PAK3: variants seen among roughly 807,000 people sequenced by gnomAD.
PAK3 encodes the protein serine/threonine-protein kinase PAK 3.
Under a neutral mutation model 41.0 loss-of-function variants are expected in PAK3, and 4 were observed. That is an observed-to-expected ratio of 0.10 (90% CI 0.05 to 0.22). PAK3 has a LOEUF of 0.22. Among genes scored for constraint, PAK3 ranks in the 10% least tolerant of loss-of-function variants. The pLI is 1.00. For synonymous variants in PAK3, 146 were observed against 139.6 expected, an observed-to-expected ratio of 1.05 and a Z score of -0.32; for missense variants, 205 against 409.9, an observed-to-expected ratio of 0.50 and a Z score of 4.32.
At chrX:111,090,459 G>A (rs7887472) in intron 1 of PAK3, among the ~76,000 whole-genome samples, 3,738 of 111,662 alleles carry the variant, frequency 0.033, 76 homozygotes, top group African/African-American at 0.063. Context: ...AATTGTCTGA[G>A]AGGATCTCCA....
At chrX:111,086,606 C>T (rs775964882) in intron 1 of PAK3, among the ~76,000 whole-genome samples, 4 of 111,241 alleles carry the variant, frequency 3.6e-5, no homozygotes, top group African/African-American at 9.8e-5. Flanking sequence ...TTTACAAAGA[C>T]GCCCCATGTC....
At chrX:111,029,475 C>T (rs2092315339) in intron 1 of PAK3, among the ~76,000 whole-genome samples, 1 of 111,885 alleles carries the variant, frequency 8.9e-6, no homozygotes, top group Admixed American at 9.5e-5. Flanking sequence ...ATGTTATATG[C>T]ATTATATACT....
At chrX:111,130,823 A>G (rs1006250274) in intron 5 of PAK3, among the ~76,000 whole-genome samples, 22 of 111,813 alleles carry the variant, frequency 2.0e-4, no homozygotes, top group African/African-American at 6.5e-4. Flanking sequence ...GTGTATTACA[A>G]TGTTCAAAAC....
chrX:111,096,659 CGCTTG>C (rs1375767055), intron 1 of PAK3: 1 of 110,848 alleles, frequency 9.0e-6, no homozygotes, highest in Non-Finnish European at 1.9e-5. Context: ...GGGGCTCCTT[CGCTTG>C]GTCAAACCCT....
intron 1 of PAK3, among the ~76,000 whole-genome samples, chrX:110,955,919 G>T (rs1020414059): frequency 8.9e-6 from 1 of 111,791 alleles, no homozygotes; most frequent in African/African-American, 3.3e-5. Context: ...AAGAGGGTAG[G>T]GTAAAGGTTA....
intron 16 of PAK3, among the ~76,000 whole-genome samples, chrX:111,215,533 C>T (rs1311090255): frequency 1.8e-5 from 2 of 108,122 alleles, no homozygotes; most frequent in Admixed American, 9.8e-5. Flanking sequence ...AGCAAGATTC[C>T]GTCTCAAAAA....
At chrX:110,994,564 C>T (rs1359302400) in intron 1 of PAK3, among the ~76,000 whole-genome samples, 1 of 111,794 alleles carries the variant, frequency 8.9e-6, no homozygotes, top group African/African-American at 3.3e-5. Context: ...AGGACACTTG[C>T]TGGTCCCTGA....
Position 111,222,605 on chromosome X carries a change from A to C in PAK3, c.*2158A>C, listed in dbSNP as rs1357629064. Reference sequence around the variant, plus strand: ...TCATTTAAAAATAAGTACTTTAAAAAATTTTTCACTCATAGTGCCGGGAAA... The same window carrying C: ...TCATTTAAAAATAAGTACTTTAAAACATTTTTCACTCATAGTGCCGGGAAA... On this transcript the variant is annotated 3_prime_UTR_variant, in exon 18 of 18. Transcript: ENST00000372007. The C allele has an allele frequency of 8.9e-6, 1 of 112,186 alleles. No individual in the cohort carries two copies. The highest frequency in any genetic ancestry group is 1.9e-5 in the Non-Finnish European group (1 of 53,192). 9.2% of individuals were successfully genotyped at this position (112,186 alleles called of 1,213,427 possible).
chrX:111,065,858 T>C (rs1256582201), intron 1 of PAK3, among the ~76,000 whole-genome samples: 1 of 111,959 alleles, frequency 8.9e-6, no homozygotes, highest in Non-Finnish European at 1.9e-5. Context: ...TAGGTGTCCA[T>C]AGTAATCTCT....
intron 1 of PAK3, among the ~76,000 whole-genome samples, chrX:111,077,018 C>G (rs1338827406): frequency 9.1e-6 from 1 of 110,378 alleles, no homozygotes; most frequent in African/African-American, 3.3e-5. Flanking sequence ...ATGAACTATC[C>G]CCCCCCAAAA....
chrX:111,046,859 G>T (rs1452317405), intron 1 of PAK3, among the ~76,000 whole-genome samples: 1 of 111,965 alleles, frequency 8.9e-6, no homozygotes, highest in Non-Finnish European at 1.9e-5. Context: ...TCTCAGTGTT[G>T]TAACCCTTAA....
At chrX:111,117,386 C>T (rs1234349373) in intron 4 of PAK3, among the ~76,000 whole-genome samples, 1 of 111,480 alleles carries the variant, frequency 9.0e-6, no homozygotes, top group Admixed American at 9.6e-5. Context: ...TGACCTTGGG[C>T]AAGTACTTAA....
At chrX:111,052,425 T>C (rs2092566838) in intron 1 of PAK3, among the ~76,000 whole-genome samples, 1 of 112,725 alleles carries the variant, frequency 8.9e-6, no homozygotes, top group Admixed American at 9.4e-5. Flanking sequence ...TTAGTCCCTC[T>C]ACCTCGTGGT....
chrX:110,985,518 C>A, intron 1 of PAK3, among the ~76,000 whole-genome samples: 1 of 112,235 alleles, frequency 8.9e-6, no homozygotes, highest in East Asian at 2.8e-4. Context: ...ATTTTGCTCC[C>A]TATTCCACTC....
At chrX:111,154,474 G>A (rs147582227) in intron 8 of PAK3, among the ~76,000 whole-genome samples, 30 of 111,229 alleles carry the variant, frequency 2.7e-4, no homozygotes, top group African/African-American at 8.8e-4. Flanking sequence ...TACCTCCTAC[G>A]TCTTGTGTGA....
chrX:110,997,828 G>C (rs898508038), intron 1 of PAK3, among the ~76,000 whole-genome samples: 1 of 110,607 alleles, frequency 9.0e-6, no homozygotes, highest in Admixed American at 9.6e-5. Context: ...TCTACGAATG[G>C]AAGGGATTAG....
At chrX:111,164,193 A>G (rs961032182) in intron 10 of PAK3, among the ~76,000 whole-genome samples, 1 of 111,153 alleles carries the variant, frequency 9.0e-6, no homozygotes, top group Non-Finnish European at 1.9e-5. Context: ...AGCAAATGCT[A>G]GTAGCTTCCT....
At chrX:110,978,676 T>G (rs897077913) in intron 1 of PAK3, among the ~76,000 whole-genome samples, 4 of 110,480 alleles carry the variant, frequency 3.6e-5, no homozygotes, top group African/African-American at 1.3e-4. Flanking sequence ...CTTTCTTCTT[T>G]CTTTTTTCTT....
At chrX:111,140,375 A>G (rs2093853949) in intron 5 of PAK3, among the ~76,000 whole-genome samples, 1 of 112,000 alleles carries the variant, frequency 8.9e-6, no homozygotes, top group African/African-American at 3.2e-5. Flanking sequence ...CATGGCCAGC[A>G]TGGGTGGGAC....
Sources: gnomAD v4.1 joint callset for allele counts (sites outside exome capture counted in the v4.1 genomes callset) on GRCh38, gnomAD v4.1.1 for gene constraint, MANE v1.5 for transcripts, NCBI Gene and HGNC (gene_info 2026-07-23, HGNC 2026-07-21) for gene names.